HOMER1: variants seen among roughly 807,000 people sequenced by gnomAD.
HOMER1 encodes the protein homer scaffold protein 1, also known as homer protein homolog 1.
In HOMER1, 3 loss-of-function variants were observed where a neutral mutation model predicts 48.9. The observed-to-expected ratio is 0.06, with a 90% confidence interval of 0.03 to 0.16. The LOEUF is 0.16. Among genes scored for constraint, HOMER1 ranks in the 10% least tolerant of loss-of-function variants. HOMER1 has a pLI of 1.00. For missense variants in HOMER1, 247 were observed against 411.4 expected (o/e 0.60, Z 3.46); for synonymous variants, 134 against 146.4 (o/e 0.92, Z 0.61).
chr5:79,449,626 C>G (rs564784140), intron 3 of HOMER1, among the ~76,000 whole-genome samples: 3 of 152,230 alleles, frequency 2.0e-5, no homozygotes, highest in Admixed American at 1.3e-4. Flanking sequence ...GTGTGTGCCA[C>G]CACACCCAGC....
intron 1 of HOMER1, among the ~76,000 whole-genome samples, chr5:79,458,364 TAAAG>T (rs929456033): frequency 6.6e-6 from 1 of 151,946 alleles, no homozygotes; most frequent in Non-Finnish European, 1.5e-5. Flanking sequence ...TTCAATGTCA[TAAAG>T]AAAATTTTAA....
intron 5 of HOMER1, among the ~76,000 whole-genome samples, chr5:79,409,787 CA>C (rs1749767208): frequency 6.6e-6 from 1 of 152,180 alleles, no homozygotes; most frequent in African/African-American, 2.4e-5. Context: ...ACATCATTAT[CA>C]TCAAGGAAAT....
At chr5:79,382,642 C>T (rs972376192) in intron 8 of HOMER1, among the ~76,000 whole-genome samples, 4 of 152,188 alleles carry the variant, frequency 2.6e-5, no homozygotes, top group African/African-American at 9.6e-5. Context: ...ACTATACCAG[C>T]CCTACAAGAA....
chr5:79,496,725 CTAAACGAACAA>C (rs1261309593), intron 1 of HOMER1, among the ~76,000 whole-genome samples: 1 of 152,008 alleles, frequency 6.6e-6, no homozygotes, highest in Non-Finnish European at 1.5e-5. Flanking sequence ...AAATAAGAAA[CTAAACGAACAA>C]GAAAGGAACA....
chr5:79,384,666 T>C (rs1021717414), intron 8 of HOMER1, among the ~76,000 whole-genome samples: 3 of 152,110 alleles, frequency 2.0e-5, no homozygotes, highest in African/African-American at 7.2e-5. Context: ...ATTACTCTGA[T>C]ACCAAAAACC....
At chr5:79,431,660 T>C (rs1332777168) in intron 5 of HOMER1, among the ~76,000 whole-genome samples, 3 of 152,156 alleles carry the variant, frequency 2.0e-5, no homozygotes, top group Non-Finnish European at 2.9e-5. Context: ...TGAGATATAA[T>C]AAAACAAGGT....
intron 8 of HOMER1, among the ~76,000 whole-genome samples, chr5:79,386,590 T>A (rs904302491): frequency 6.6e-6 from 1 of 152,206 alleles, no homozygotes; most frequent in African/African-American, 2.4e-5. Flanking sequence ...AACAATATAT[T>A]GTGTATTTCA....
chr5:79,416,176 A>C (rs1164798803), intron 5 of HOMER1, among the ~76,000 whole-genome samples: 1 of 152,238 alleles, frequency 6.6e-6, no homozygotes, highest in Non-Finnish European at 1.5e-5. Flanking sequence ...AATAATTTAA[A>C]TCAAACCCAG....
intron 5 of HOMER1, among the ~76,000 whole-genome samples, chr5:79,434,063 C>T (rs755419922): frequency 2.0e-5 from 3 of 151,908 alleles, no homozygotes; most frequent in Non-Finnish European, 4.4e-5. Flanking sequence ...TTAAAAGAGC[C>T]CATTTTCTAT....
At chr5:79,438,138 T>C (rs914091678) in intron 5 of HOMER1, among the ~76,000 whole-genome samples, 1 of 152,200 alleles carries the variant, frequency 6.6e-6, no homozygotes, top group African/African-American at 2.4e-5. Context: ...CTCACTTCAA[T>C]TTTGCTTAAT....
intron 5 of HOMER1, among the ~76,000 whole-genome samples, chr5:79,432,135 T>C (rs1438944975): frequency 6.6e-6 from 1 of 152,252 alleles, no homozygotes; most frequent in Admixed American, 6.5e-5. Flanking sequence ...GTTTACACCT[T>C]GATCTTGGCC....
Position 79,397,521 on chromosome 5 carries a change from A to C in HOMER1, c.795+6T>G. 1.7e-4 allele frequency: 257 copies of C among 1,501,034 alleles called. No individual in the cohort carries two copies. The highest frequency in any genetic ancestry group is 2.2e-4 in the Non-Finnish European group (234 of 1,080,594). 93.0% of individuals were successfully genotyped at this position (1,501,034 alleles called of 1,614,324 possible). On this transcript the variant is annotated splice_donor_region_variant and intron_variant, in intron 7 of 8. Coordinates refer to ENST00000334082, the MANE Select transcript of HOMER1 (RefSeq NM_004272.5). ...AGATTACAGATGAGTAAAAAGCAGCAAATACCTCTTCCTTCAGTTTCAGTG... is the reference window on the plus strand; with the variant it reads ...AGATTACAGATGAGTAAAAAGCAGCCAATACCTCTTCCTTCAGTTTCAGTG...
At position 79,447,093 on chromosome 5, in the gene HOMER1, T is replaced by A. The variant is rs1750906266; in HGVS notation, c.347A>T (p.Lys116Ile). ...GGTAAGTTCCATCTTCTCTTGTGAT[T>A]TTTCCTTTGCTAGTCGAGCAGCTTC... ...FKEAARLAKEKSQEKMELTST... is the reference protein window; with the variant it reads ...FKEAARLAKEISQEKMELTST... Residue 116 changes from lysine (K) to isoleucine (I), a missense_variant, in exon 4 of 9, where the codon AAA (lysine) becomes ATA (isoleucine). Around this residue, in one of 4 missense-constraint regions of HOMER1, gnomAD observed 94 missense variants for 112.4 expected, o/e 0.84. Transcript: ENST00000334082. 6.2e-7 allele frequency: 1 copy of A among 1,613,304 alleles called. No individual in the cohort carries two copies. Among genetic ancestry groups the A allele is most frequent in the African/African-American group, 1.3e-5 (1 of 74,904 alleles).
intron 1 of HOMER1, among the ~76,000 whole-genome samples, chr5:79,500,927 T>TTGTGTGTGTGTGTGTGTGTGTG (rs367742665): frequency 1.6e-5 from 2 of 124,322 alleles, no homozygotes; most frequent in African/African-American, 3.7e-5. Flanking sequence ...ACCCAGCCAT[T>TTGTGTGTGTGTGTGTGTGTGTG]TGTGTGTGTG....
At chr5:79,500,555 T>A (rs1752548379) in intron 1 of HOMER1, among the ~76,000 whole-genome samples, 1 of 152,196 alleles carries the variant, frequency 6.6e-6, no homozygotes, top group African/African-American at 2.4e-5. Flanking sequence ...TTCCTCAGCC[T>A]ACTCAGTGTG....
At chr5:79,437,747 G>T (rs1380759334) in intron 5 of HOMER1, among the ~76,000 whole-genome samples, 2 of 152,154 alleles carry the variant, frequency 1.3e-5, no homozygotes, top group East Asian at 1.9e-4. Flanking sequence ...TGGATTCCCA[G>T]GCTCAAGTGA....
intron 1 of HOMER1, among the ~76,000 whole-genome samples, chr5:79,502,329 C>T (rs1366623627): frequency 1.3e-5 from 2 of 151,934 alleles, no homozygotes; most frequent in Non-Finnish European, 2.9e-5. Flanking sequence ...GTCCTGATAA[C>T]ATTTTACTGT....
chr5:79,510,404 G>A lies in HOMER1; in HGVS notation c.5+2366C>T, dbSNP rs191280123. ...CATCCTGTCTCTTCAGATTCTAGGCGCTTCAGGAGCCGCGCCTTAAGGTGC... is the reference window on the plus strand; with the variant it reads ...CATCCTGTCTCTTCAGATTCTAGGCACTTCAGGAGCCGCGCCTTAAGGTGC... On this transcript the variant is annotated intron_variant, in intron 1 of 8. Coordinates refer to ENST00000334082, the MANE Select transcript of HOMER1 (RefSeq NM_004272.5). The A allele has an allele frequency of 2.6e-4, 164 of 619,142 alleles. No individual in the cohort carries two copies. In the African/African-American group the frequency reaches 2.8e-3, roughly 11 times the overall value. 38.4% of individuals were successfully genotyped at this position (619,142 alleles called of 1,614,324 possible). A position where few individuals can be genotyped will look rare whatever the true frequency, so the allele number is the denominator to read the frequency against.
chr5:79,461,499 CTG>C (rs1751317339), intron 1 of HOMER1, among the ~76,000 whole-genome samples: 1 of 152,184 alleles, frequency 6.6e-6, no homozygotes, highest in Non-Finnish European at 1.5e-5. Flanking sequence ...TTCGCAAACA[CTG>C]TGTTATATTC....
Sources: gnomAD v4.1 joint callset for allele counts (sites outside exome capture counted in the v4.1 genomes callset) on GRCh38, gnomAD v4.1.1 for gene constraint, gnomAD v4.1.1 regional missense constraint, MANE v1.5 for transcripts, NCBI Gene and HGNC (gene_info 2026-07-23, HGNC 2026-07-21) for gene names.